PIGY: variants seen among roughly 807,000 people sequenced by gnomAD.
PIGY encodes phosphatidylinositol glycan anchor biosynthesis class Y, also known as phosphatidylinositol N-acetylglucosaminyltransferase subunit Y.
PIGY carries 3 observed loss-of-function variants against 4.1 expected under a neutral mutation model. The observed-to-expected ratio is 0.73, with a 90% CI of 0.33 to 1.89. The LOEUF is 1.89. PIGY is among the 40% of genes most tolerant of loss of function. PIGY has a pLI of 0.08. For missense variants in PIGY, 78 were observed against 80.3 expected (o/e 0.97, Z 0.11); for synonymous variants, 33 against 31.4 (o/e 1.05, Z -0.18).
intron 1 of PIGY, among the ~76,000 whole-genome samples, chr4:88,522,555 G>A (rs1476232473): frequency 6.6e-6 from 1 of 152,166 alleles, no homozygotes; most frequent in Non-Finnish European, 1.5e-5. Flanking sequence ...TAAATCAAAT[G>A]ATAATTTCAA....
At position 88,523,742 on chromosome 4, in the gene PIGY, C is replaced by A; in HGVS notation, c.-485G>T. On this transcript the variant is annotated 5_prime_UTR_variant, in exon 1 of 2. Coordinates refer to ENST00000527353, the MANE Select transcript of PIGY (RefSeq NM_001042616.3). ...ACCAGGCCTCACCGCAGCCTCGCCA[C>A]CCGTGGCCGAGCTCCCGGCTTCCCG... 7.2e-7 allele frequency: 1 copy of A among 1,398,470 alleles called. No individual in the cohort carries two copies. Among genetic ancestry groups the A allele is most frequent in the Non-Finnish European group, 9.2e-7 (1 of 1,083,126 alleles). The allele number at this position is 1,398,470 out of a possible 1,614,324, so 86.6% of individuals were successfully genotyped here.
rs1225578264 is a variant in PIGY, at chr4:88,523,574, T to A, written c.-317A>T. 2.3e-5 allele frequency: 36 copies of A among 1,550,328 alleles called. No individual in the cohort carries two copies. The highest frequency in any genetic ancestry group is 3.1e-5 in the Non-Finnish European group (35 of 1,146,822). On this transcript the variant is annotated 5_prime_UTR_variant, in exon 1 of 2. Transcript: ENST00000527353. ...TCGAAGTCGCGGGGCGGCTCCTCAG[T>A]CTTCTTGCCCCGGTCGGCCAAAGGC...
Position 88,523,744 on chromosome 4 carries a change from C to G in PIGY, c.-487G>C. The stretch of plus-strand genomic sequence containing the variant: ...CAGGCCTCACCGCAGCCTCGCCACC[C>G]GTGGCCGAGCTCCCGGCTTCCCGTT... On this transcript the variant is annotated 5_prime_UTR_variant, in exon 1 of 2. Coordinates refer to ENST00000527353, the MANE Select transcript of PIGY (RefSeq NM_001042616.3). The G allele has an allele frequency of 7.2e-7, 1 of 1,393,876 alleles. No individual in the cohort carries two copies. The highest frequency in any genetic ancestry group is 9.3e-7 in the Non-Finnish European group (1 of 1,079,542). 86.3% of individuals were successfully genotyped at this position (1,393,876 alleles called of 1,614,324 possible).
At position 88,521,819 on chromosome 4, in the gene PIGY, T is replaced by C; in HGVS notation, c.-30A>G. 6.3e-7 allele frequency: 1 copy of C among 1,595,784 alleles called. No homozygotes were observed. Among genetic ancestry groups the C allele is most frequent in the Non-Finnish European group, 8.5e-7 (1 of 1,170,304 alleles). Reference sequence around the variant, plus strand: ...CTCTTCCACTTATTACCTGCCACTGTGTTTTAAAAGGTATATGGTATTAAG... The same window carrying C: ...CTCTTCCACTTATTACCTGCCACTGCGTTTTAAAAGGTATATGGTATTAAG... On this transcript the variant is annotated 5_prime_UTR_variant, in exon 2 of 2. Coordinates refer to ENST00000527353, the MANE Select transcript of PIGY (RefSeq NM_001042616.3).
rs869025322 is a variant in PIGY at position 88,521,653 on chromosome 4, A to G, written c.137T>C (p.Leu46Pro). 1 of 1,614,026 alleles carries G rather than the reference A, an allele frequency of 6.2e-7. No homozygotes were observed. The highest frequency in any genetic ancestry group is 8.5e-7 in the Non-Finnish European group (1 of 1,179,874). ...ATACACTGGTATGGTAATAGGCAAGAGCAGGCTGTAAAAGCAAAGGCTGGC... is the reference window on the plus strand; with the variant it reads ...ATACACTGGTATGGTAATAGGCAAGGGCAGGCTGTAAAAGCAAAGGCTGGC... ...STASLCFYSL[L>P]LPITIPVYVF... Residue 46 changes from leucine (L) to proline (P), a missense_variant, in exon 2 of 2, where the codon CTC (leucine) becomes CCC (proline). Coordinates refer to ENST00000527353, the MANE Select transcript of PIGY (RefSeq NM_001042616.3).
In PIGY at chr4:88,522,842, C is replaced by T. The variant is rs140538968; in HGVS notation, c.-241+656G>A. 6.3e-3 allele frequency among the ~76,000 whole-genome samples: 965 copies of T among 152,316 alleles called. 7 individuals carry two copies. The highest frequency in any genetic ancestry group is 9.4e-3 in the Non-Finnish European group (638 of 68,034). Reference sequence around the variant, plus strand: ...CTGAATTGCTTAAGATTGTCAGGCACCAGTTGTACAAGACACTTTCACAAG... The same window carrying T: ...CTGAATTGCTTAAGATTGTCAGGCATCAGTTGTACAAGACACTTTCACAAG... On this transcript the variant is annotated intron_variant, in intron 1 of 1. Coordinates refer to ENST00000527353, the MANE Select transcript of PIGY (RefSeq NM_001042616.3).
Position 88,522,034 on chromosome 4 carries a change from G to T in PIGY, c.-240-5C>A. On this transcript the variant is annotated splice_region_variant and splice_polypyrimidine_tract_variant and intron_variant, in intron 1 of 1. Coordinates refer to ENST00000527353, the MANE Select transcript of PIGY (RefSeq NM_001042616.3). ...TCGTTTGTTGATGCTTCATATCTGA[G>T]GTGGAAAAAAAAAGAACAAAATGAG... is the stretch of plus-strand genomic sequence containing the variant. The T allele has an allele frequency of 6.6e-7, 1 of 1,521,662 alleles. No homozygotes were observed. The highest frequency in any genetic ancestry group is 8.8e-7 in the Non-Finnish European group (1 of 1,136,578). 94.3% of individuals were successfully genotyped at this position (1,521,662 alleles called of 1,614,324 possible).
At chr4:88,523,108 G>GA (rs200779771) in intron 1 of PIGY, among the ~76,000 whole-genome samples, 36 of 124,484 alleles carry the variant, frequency 2.9e-4, no homozygotes, top group African/African-American at 6.1e-4. Context: ...CTCTTAAAAG[G>GA]AAAAAAAAAA....
Position 88,523,709 on chromosome 4 carries a change from A to T in PIGY, c.-452T>A. The T allele has an allele frequency of 6.9e-7, 1 of 1,459,670 alleles. No homozygotes were observed. The highest frequency in any genetic ancestry group is 9.0e-7 in the Non-Finnish European group (1 of 1,114,108). The allele number at this position is 1,459,670 out of a possible 1,614,324, so 90.4% of individuals were successfully genotyped here. A position where few individuals can be genotyped will look rare whatever the true frequency, so the allele number is the denominator to read the frequency against. On this transcript the variant is annotated 5_prime_UTR_variant, in exon 1 of 2. Transcript: ENST00000527353. ...CGTGCTCCACTCAGCATGGTCTGGC[A>T]GCCGGAGACCAGGCCTCACCGCAGC...
At chr4:88,522,353 A>G (rs553026851) in intron 1 of PIGY, among the ~76,000 whole-genome samples, 6 of 152,286 alleles carry the variant, frequency 3.9e-5, no homozygotes, top group African/African-American at 1.4e-4. Context: ...TACTTTGGTC[A>G]ACCCCCAAAC....
intron 1 of PIGY, among the ~76,000 whole-genome samples, chr4:88,523,174 C>T (rs1454836336): frequency 2.0e-5 from 3 of 152,142 alleles, no homozygotes; most frequent in Non-Finnish European, 4.4e-5. Flanking sequence ...CAAGTCTGCC[C>T]GTCTTGGGGG....
Position 88,521,293 on chromosome 4 carries a change from A to C in PIGY, c.*281T>G. On this transcript the variant is annotated 3_prime_UTR_variant, in exon 2 of 2. Coordinates refer to ENST00000527353, the MANE Select transcript of PIGY (RefSeq NM_001042616.3). ...TGACTCTTAGATGAATGGAATAAGA[A>C]ATAGTCATCACATGTCAATTAGGGA... 1 of 378,420 alleles carries C rather than the reference A, an allele frequency of 2.6e-6. No individual in the cohort carries two copies. Among genetic ancestry groups the C allele is most frequent in the South Asian group, 4.0e-5 (1 of 24,740 alleles). 23.4% of individuals were successfully genotyped at this position (378,420 alleles called of 1,614,324 possible). A position where few individuals can be genotyped will look rare whatever the true frequency, so the allele number is the denominator to read the frequency against.
rs1171603905 is a variant in PIGY, at chr4:88,521,972, G to C, written c.-183C>G. The C allele has an allele frequency of 3.2e-6, 5 of 1,551,212 alleles. No homozygotes were observed. Among genetic ancestry groups the C allele is most frequent in the Non-Finnish European group, 4.4e-6 (5 of 1,146,738 alleles). On this transcript the variant is annotated 5_prime_UTR_variant, in exon 2 of 2. The change creates a new upstream start codon in the 5' untranslated region. Coordinates refer to ENST00000527353, the MANE Select transcript of PIGY (RefSeq NM_001042616.3). ...GTATCATATTAGGGATCCCATCAAT[G>C]ATTGGATAAGCTATTCCCAACTCTT...
chr4:88,522,308 A>G (rs1386255044), intron 1 of PIGY, among the ~76,000 whole-genome samples: 1 of 152,180 alleles, frequency 6.6e-6, no homozygotes. Flanking sequence ...ACTAGTCAGA[A>G]AAGATCCCCC....
At position 88,522,924 on chromosome 4, in the gene PIGY, C is replaced by A. The variant is rs538295249; in HGVS notation, c.-241+574G>T. 1.3e-3 allele frequency among the ~76,000 whole-genome samples: 196 copies of A among 152,274 alleles called. 2 individuals carry two copies. In the South Asian group the frequency reaches 0.019, roughly 14 times the overall value. ...TCTTGGCTTAAAAACCGGAAGGCTT[C>A]GGACTTGTCCTGAATCGCAGTGGTT... On this transcript the variant is annotated intron_variant, in intron 1 of 1. Transcript: ENST00000527353.
Position 88,521,915 on chromosome 4 carries a change from CTTACTTT to C in PIGY, c.-133_-127del. ...AGCGCTGCTCCACTTCTTCTTGCTT[CTTACTTT>C]GACGTGTCATCCTAGCTGCCTGTGG... On this transcript the variant is annotated 5_prime_UTR_variant, in exon 2 of 2. The change abolishes the stop of an existing upstream ORF in the 5' untranslated region. Transcript: ENST00000527353. The C allele has an allele frequency of 1.3e-6, 2 of 1,550,830 alleles. No homozygotes were observed. The highest frequency in any genetic ancestry group is 1.7e-6 in the Non-Finnish European group (2 of 1,146,790).
At chr4:88,522,063 TG>T in intron 1 of PIGY, 34 bp from the exon 2 acceptor site, 1 of 1,511,576 alleles carries the variant, frequency 6.6e-7, no homozygotes, top group Non-Finnish European at 8.8e-7. Flanking sequence ...AAATGAGTTG[TG>T]GGAAAATAAA....
Position 88,523,621 on chromosome 4 carries a change from C to G in PIGY, c.-364G>C. On this transcript the variant is annotated 5_prime_UTR_variant, in exon 1 of 2. Coordinates refer to ENST00000527353, the MANE Select transcript of PIGY (RefSeq NM_001042616.3). ...AGGCCGCGACCCCGACGCGTGCAGG[C>G]ACCTACGGGCGACCGCGGACGGCGG... is the stretch of plus-strand genomic sequence containing the variant. 6.5e-7 allele frequency: 1 copy of G among 1,545,556 alleles called. No individual in the cohort carries two copies. Among genetic ancestry groups the G allele is most frequent in the Non-Finnish European group, 8.7e-7 (1 of 1,145,404 alleles).
In PIGY at chr4:88,521,844, G is replaced by C. The variant is rs1742377942; in HGVS notation, c.-55C>G. ...TGTTTTAAAAGGTATATGGTATTAA[G>C]AAAAGTTGGCTGTTGCGTTTTTTTA... On this transcript the variant is annotated 5_prime_UTR_variant, in exon 2 of 2. Coordinates refer to ENST00000527353, the MANE Select transcript of PIGY (RefSeq NM_001042616.3). The C allele has an allele frequency of 1.3e-6, 2 of 1,569,958 alleles. No homozygotes were observed. The highest frequency in any genetic ancestry group is 1.9e-5 in the Admixed American group (1 of 51,844).
Sources: gnomAD v4.1 joint callset for allele counts (sites outside exome capture counted in the v4.1 genomes callset) on GRCh38, gnomAD v4.1.1 for gene constraint, MANE v1.5 for transcripts, NCBI Gene and HGNC (gene_info 2026-07-23, HGNC 2026-07-21) for gene names.